Variants in NBAS observed in about 807,000 individuals in gnomAD.
NBAS encodes the protein NAG/BC035112 fusion.
In NBAS, 219 loss-of-function variants were observed where a neutral mutation model predicts 302.5. That is an observed-to-expected ratio of 0.72 (90% CI 0.65 to 0.81). NBAS has a LOEUF of 0.81. NBAS is among the 30% of genes least tolerant of loss of function. The pLI, the probability that NBAS is intolerant of heterozygous loss-of-function variation, is 0.00. For missense variants in NBAS, 2,932 were observed against 2,841.6 expected, an observed-to-expected ratio of 1.03 and a Z score of -0.72; for synonymous variants, 1,118 against 1,021.6, an observed-to-expected ratio of 1.09 and a Z score of -1.80.
At chr2:15,449,489 T>C (rs1440886251) in intron 21 of NBAS, among the ~76,000 whole-genome samples, 1 of 152,172 alleles carries the variant, frequency 6.6e-6, no homozygotes, top group East Asian at 1.9e-4. Flanking sequence ...GAGTACCAGA[T>C]ACATAACAAA....
chr2:15,116,614 T>C, the NBAS span, among the ~76,000 whole-genome samples: 1 of 152,186 alleles, frequency 6.6e-6, no homozygotes, highest in East Asian at 1.9e-4. Flanking sequence ...CACACAAATA[T>C]TCAATCCATA....
chr2:14,949,425 A>G, the NBAS span, among the ~76,000 whole-genome samples: 6 of 152,172 alleles, frequency 3.9e-5, no homozygotes, highest in African/African-American at 1.4e-4. Context: ...AAATGGGCAA[A>G]AGATCTCAAT....
the NBAS span, among the ~76,000 whole-genome samples, chr2:14,854,179 T>C: frequency 6.6e-6 from 1 of 151,280 alleles, no homozygotes. Flanking sequence ...ATACAGCAAA[T>C]GCAGTACTAA....
chr2:15,252,621 A>G (rs373704951), intron 44 of NBAS, among the ~76,000 whole-genome samples: 58 of 152,210 alleles, frequency 3.8e-4, no homozygotes, highest in African/African-American at 1.2e-3. Flanking sequence ...TGCTACCTAC[A>G]GAGTGAGGTG....
At chr2:15,268,043 T>C (rs188342421) in intron 44 of NBAS, among the ~76,000 whole-genome samples, 209 of 152,332 alleles carry the variant, frequency 1.4e-3, no homozygotes, top group African/African-American at 4.2e-3. Context: ...AAAAGACAGA[T>C]AACCTCTAAG....
chr2:15,030,691 C>G, the NBAS span, among the ~76,000 whole-genome samples: 1 of 152,210 alleles, frequency 6.6e-6, no homozygotes, highest in African/African-American at 2.4e-5. Flanking sequence ...ATCATTAATA[C>G]AGCTTTTGGC....
the NBAS span, among the ~76,000 whole-genome samples, chr2:15,123,438 G>T: frequency 6.6e-6 from 1 of 152,204 alleles, no homozygotes; most frequent in Admixed American, 6.5e-5. Context: ...CAAATCTCAT[G>T]TGGAGTAACC....
chr2:15,005,281 C>T, the NBAS span, among the ~76,000 whole-genome samples: 1 of 152,134 alleles, frequency 6.6e-6, no homozygotes, highest in Non-Finnish European at 1.5e-5. Flanking sequence ...CTAGCGACTC[C>T]CCTTACTCGC....
At chr2:14,799,728 T>C in the NBAS span, among the ~76,000 whole-genome samples, 1 of 152,164 alleles carries the variant, frequency 6.6e-6, no homozygotes, top group Non-Finnish European at 1.5e-5. Context: ...GTTTGCTTTA[T>C]GTATTTTAAA....
chr2:14,924,589 C>T, the NBAS span, among the ~76,000 whole-genome samples: 1 of 152,222 alleles, frequency 6.6e-6, no homozygotes, highest in Non-Finnish European at 1.5e-5. Context: ...TCTCAGTTTC[C>T]TTGTGATTTC....
the NBAS span, among the ~76,000 whole-genome samples, chr2:15,053,755 G>A: frequency 2.0e-5 from 3 of 152,004 alleles, no homozygotes; most frequent in Admixed American, 1.3e-4. Context: ...AAACATGACT[G>A]GTAGATGTAC....
At chr2:15,472,659 C>A (rs1558370834) in intron 16 of NBAS, among the ~76,000 whole-genome samples, 1 of 152,148 alleles carries the variant, frequency 6.6e-6, no homozygotes, top group Non-Finnish European at 1.5e-5. Context: ...CGTGGACCAG[C>A]CCTGGCTCAA....
Position 15,169,397 on chromosome 2 carries a change from A to C in NBAS, c.6841-2074T>G, listed in dbSNP as rs1231071545. On this transcript the variant is annotated intron_variant, in intron 51 of 51. Transcript: ENST00000281513. ...CGCTGGGGCTGCCTGTGAGTTCTGAATGCCTTCTTTCCATCCCACTTCTCT... is the reference window on the plus strand; with the variant it reads ...CGCTGGGGCTGCCTGTGAGTTCTGACTGCCTTCTTTCCATCCCACTTCTCT... Among the ~76,000 whole-genome samples, 3 of 152,106 alleles carry C rather than the reference A, an allele frequency of 2.0e-5. No homozygotes were observed. The East Asian group carries it at 5.8e-4, about 29-fold the overall frequency.
intron 21 of NBAS, among the ~76,000 whole-genome samples, chr2:15,441,414 T>A (rs1477365730): frequency 1.3e-5 from 2 of 151,780 alleles, no homozygotes; most frequent in African/African-American, 2.4e-5. Context: ...CTAAGCTTCA[T>A]AAGTGAAGGA....
At position 15,367,862 on chromosome 2, in the gene NBAS, T is replaced by C. The variant is rs537310412; in HGVS notation, c.3704-1169A>G. Among the ~76,000 whole-genome samples, 153 of 152,328 alleles carry C rather than the reference T, an allele frequency of 1.0e-3. 1 individual carries two copies. Among genetic ancestry groups the C allele is most frequent in the African/African-American group, 3.5e-3 (144 of 41,582 alleles). ...AAGGAAAGTACAAAGAAATCCTCTA[T>C]ACTCTTTGCTGAGGTTAACAGATGA... On this transcript the variant is annotated intron_variant, in intron 31 of 51. Transcript: ENST00000281513.
the NBAS span, among the ~76,000 whole-genome samples, chr2:14,979,619 T>G: frequency 2.0e-5 from 3 of 152,210 alleles, no homozygotes; most frequent in Admixed American, 1.3e-4. Flanking sequence ...CTTTTGCTTT[T>G]TCTACTACTA....
rs1170271000 is a variant in NBAS, at chr2:15,542,230, T to C, written c.380-2874A>G. ...AGATTGAGAAATCGGATGGTTGCCG[T>C]GTCTGTGTAGAAAGAAGTAGACATG... is the stretch of plus-strand genomic sequence containing the variant. On this transcript the variant is annotated intron_variant, in intron 6 of 51. Coordinates refer to ENST00000281513, the MANE Select transcript of NBAS (RefSeq NM_015909.4). 4.6e-4 allele frequency among the ~76,000 whole-genome samples: 40 copies of C among 87,722 alleles called. 5 individuals carry two copies. Among genetic ancestry groups the C allele is most frequent in the Non-Finnish European group, 9.8e-4 (37 of 37,896 alleles). The allele number at this position is 87,722 out of a possible 152,430, so 57.5% of individuals were successfully genotyped here.
chr2:14,977,782 C>G, the NBAS span, among the ~76,000 whole-genome samples: 1 of 152,112 alleles, frequency 6.6e-6, no homozygotes, highest in Non-Finnish European at 1.5e-5. Context: ...GTCAGAGATT[C>G]CTCTGTGCCT....
intron 11 of NBAS, among the ~76,000 whole-genome samples, chr2:15,493,803 A>C (rs1680960396): frequency 6.6e-6 from 1 of 151,796 alleles, no homozygotes; most frequent in Non-Finnish European, 1.5e-5. Flanking sequence ...AAAAGCAATA[A>C]AATTTATATG....
Sources: gnomAD v4.1 joint callset for allele counts (sites outside exome capture counted in the v4.1 genomes callset) on GRCh38, gnomAD v4.1.1 for gene constraint, MANE v1.5 for transcripts, NCBI Gene and HGNC (gene_info 2026-07-23, HGNC 2026-07-21) for gene names.